LPP: variants seen among roughly 807,000 people sequenced by gnomAD.
LPP encodes lipoma-preferred partner.
LPP carries 38 observed loss-of-function variants against 60.4 expected under a neutral mutation model. The observed-to-expected ratio is 0.63, with a 90% CI of 0.49 to 0.83. The LOEUF is 0.83. Ranked by LOEUF, LPP falls within the 40% of genes least tolerant of loss-of-function variation. The pLI, the probability that LPP is intolerant of heterozygous loss-of-function variation, is 0.00. For synonymous variants in LPP, 328 were observed against 290.8 expected, an observed-to-expected ratio of 1.13 and a Z score of -1.30; for missense variants, 902 against 783.6, an observed-to-expected ratio of 1.15 and a Z score of -1.80.
intron 6 of LPP, among the ~76,000 whole-genome samples, chr3:188,605,588 A>T (rs934652202): frequency 5.3e-5 from 8 of 152,170 alleles, no homozygotes; most frequent in African/African-American, 1.9e-4. Flanking sequence ...TAAAGTCTTC[A>T]TAACATAGAA....
In LPP at chr3:188,575,783, T is replaced by C. The variant is rs1453798222; in HGVS notation, c.430-33378T>C. ...GCTGCTGATGACGTGGACTTCTTGA[T>C]TGAAGCATGCTGAGAAATGGGTTCT... On this transcript the variant is annotated intron_variant, in intron 6 of 11. Coordinates refer to ENST00000617246, the MANE Select transcript of LPP (RefSeq NM_001375462.1). Among the ~76,000 whole-genome samples, 3 of 152,192 alleles carry C rather than the reference T, an allele frequency of 2.0e-5. No individual in the cohort carries two copies. In the South Asian group the frequency reaches 6.2e-4, roughly 31 times the overall value.
intron 6 of LPP, among the ~76,000 whole-genome samples, chr3:188,571,262 C>A (rs55688335): frequency 0.31 from 47,285 of 151,866 alleles, 7,673 homozygotes; most frequent in Middle Eastern, 0.36. Context: ...AACATAGACA[C>A]CAATATAAAA....
At chr3:188,439,078 G>A (rs1047486168) in intron 4 of LPP, among the ~76,000 whole-genome samples, 1 of 152,058 alleles carries the variant, frequency 6.6e-6, no homozygotes, top group African/African-American at 2.4e-5. Flanking sequence ...AGGTACACTA[G>A]TTTCAAAATG....
intron 9 of LPP, among the ~76,000 whole-genome samples, chr3:188,848,701 C>T (rs1020203847): frequency 6.6e-6 from 1 of 152,190 alleles, no homozygotes; most frequent in African/African-American, 2.4e-5. Context: ...GATGCAGTGG[C>T]TCACGCCTAT....
chr3:188,694,674 G>C (rs907339315), intron 7 of LPP, among the ~76,000 whole-genome samples: 1 of 148,324 alleles, frequency 6.7e-6, no homozygotes, highest in Admixed American at 6.8e-5. Context: ...TGCACACTGA[G>C]CAACAAGAGT....
chr3:188,834,108 T>C (rs1270679018), intron 9 of LPP, among the ~76,000 whole-genome samples: 1 of 152,148 alleles, frequency 6.6e-6, no homozygotes, highest in African/African-American at 2.4e-5. Context: ...TCTATAGCCT[T>C]TGATACTTGG....
At chr3:188,746,053 A>G (rs1163529789) in intron 8 of LPP, among the ~76,000 whole-genome samples, 1 of 152,112 alleles carries the variant, frequency 6.6e-6, no homozygotes, top group African/African-American at 2.4e-5. Flanking sequence ...TTTTTTCTTT[A>G]ATAATGATCT....
intron 3 of LPP, among the ~76,000 whole-genome samples, chr3:188,350,674 A>G (rs1399107064): frequency 6.6e-6 from 1 of 152,226 alleles, no homozygotes; most frequent in Non-Finnish European, 1.5e-5. Flanking sequence ...GAATAGCAGC[A>G]ATGGAGCAAG....
chr3:188,745,837 T>G (rs1197847298), intron 8 of LPP, among the ~76,000 whole-genome samples: 1 of 152,108 alleles, frequency 6.6e-6, no homozygotes, highest in Non-Finnish European at 1.5e-5. Context: ...TGGAGCATAC[T>G]TTGAAAGCCT....
chr3:188,532,528 G>A (rs1446884105), intron 6 of LPP, among the ~76,000 whole-genome samples: 1 of 152,208 alleles, frequency 6.6e-6, no homozygotes, highest in Non-Finnish European at 1.5e-5. Flanking sequence ...AAAATTTGGA[G>A]ATATTTTGAA....
At chr3:188,479,116 T>C (rs1804038638) in intron 4 of LPP, among the ~76,000 whole-genome samples, 1 of 152,174 alleles carries the variant, frequency 6.6e-6, no homozygotes, top group African/African-American at 2.4e-5. Flanking sequence ...CTAACCATGA[T>C]TAAAAAAGTG....
At chr3:188,685,071 A>G (rs1474926531) in intron 7 of LPP, among the ~76,000 whole-genome samples, 10 of 152,176 alleles carry the variant, frequency 6.6e-5, no homozygotes, top group Non-Finnish European at 1.5e-4. Context: ...TACTGTGATT[A>G]TTTCCATTTT....
intron 3 of LPP, among the ~76,000 whole-genome samples, chr3:188,399,047 T>C (rs1327008000): frequency 1.3e-5 from 2 of 152,244 alleles, no homozygotes; most frequent in African/African-American, 4.8e-5. Context: ...AAAGTCAAGA[T>C]CTTTCATAGA....
chr3:188,888,391 G>A lies in LPP; in HGVS notation c.*13912G>A, dbSNP rs867186576. The A allele has an allele frequency of 3.5e-5, 8 of 227,044 alleles. No homozygotes were observed. The highest frequency in any genetic ancestry group is 1.1e-4 in the African/African-American group (5 of 44,928). The allele number at this position is 227,044 out of a possible 1,614,324, so 14.1% of individuals were successfully genotyped here. A position where few individuals can be genotyped will look rare whatever the true frequency, so the allele number is the denominator to read the frequency against. On this transcript the variant is annotated 3_prime_UTR_variant, in exon 12 of 12. Coordinates refer to ENST00000617246, the MANE Select transcript of LPP (RefSeq NM_001375462.1). ...TTCATGCCTTTTCTCTTTCTGTGCC[G>A]TCACCTTTGAGAAAAACGATTGCAC...
chr3:188,809,084 G>A (rs1017380953), intron 9 of LPP, among the ~76,000 whole-genome samples: 1 of 152,072 alleles, frequency 6.6e-6, no homozygotes, highest in African/African-American at 2.4e-5. Context: ...GTCTATTATT[G>A]ATGGACATTT....
At chr3:188,481,723 G>A (rs1804828314) in intron 4 of LPP, among the ~76,000 whole-genome samples, 1 of 152,164 alleles carries the variant, frequency 6.6e-6, no homozygotes, top group Admixed American at 6.5e-5. Flanking sequence ...AACATGTTGT[G>A]GTTCTCAAAG....
chr3:188,371,297 T>C (rs550868776), intron 3 of LPP, among the ~76,000 whole-genome samples: 39 of 152,166 alleles, frequency 2.6e-4, no homozygotes, highest in Non-Finnish European at 5.9e-5. Flanking sequence ...TACATTCATT[T>C]ATATATGAAT....
intron 4 of LPP, among the ~76,000 whole-genome samples, chr3:188,424,349 T>C (rs1422990981): frequency 6.6e-6 from 1 of 152,202 alleles, no homozygotes; most frequent in Non-Finnish European, 1.5e-5. Flanking sequence ...GCTGTTTTGG[T>C]TACTGTAGCC....
At chr3:188,448,034 C>T (rs1293634334) in intron 4 of LPP, among the ~76,000 whole-genome samples, 1 of 152,066 alleles carries the variant, frequency 6.6e-6, no homozygotes, top group Non-Finnish European at 1.5e-5. Context: ...AATTTGTAAG[C>T]TATCAACTCA....
Sources: allele counts gnomAD v4.1 joint callset (sites outside exome capture counted in the v4.1 genomes callset), GRCh38; gene constraint gnomAD v4.1.1; transcripts MANE v1.5; gene names NCBI Gene and HGNC (gene_info 2026-07-23, HGNC 2026-07-21).